GRK7: variants seen among roughly 807,000 people sequenced by gnomAD.
GRK7 encodes G protein-coupled receptor kinase 7.
GRK7 carries 24 observed loss-of-function variants against 34.1 expected under a neutral mutation model. The ratio of observed to expected loss-of-function variants is 0.70; its 90% CI spans 0.51 to 0.99. The LOEUF (loss-of-function observed/expected upper bound fraction) is 0.99. Ranked by LOEUF, GRK7 falls within the 50% of genes least tolerant of loss-of-function variation. GRK7 has a pLI of 0.00. For missense variants in GRK7, 644 were observed against 707.3 expected, an observed-to-expected ratio of 0.91 and a Z score of 1.02; for synonymous variants, 256 against 279.4, an observed-to-expected ratio of 0.92 and a Z score of 0.84.
At chr3:141,757,202 GGTTA>G in the GRK7 span, among the ~76,000 whole-genome samples, 8 of 145,992 alleles carry the variant, frequency 5.5e-5, no homozygotes, top group African/African-American at 1.0e-4. Flanking sequence ...ACATTGCGCA[GGTTA>G]GTTACATATG....
upstream of GRK7, among the ~76,000 whole-genome samples, chr3:141,760,640 A>G (rs2084551380): frequency 1.3e-5 from 2 of 151,258 alleles, no homozygotes; most frequent in Non-Finnish European, 2.9e-5. Flanking sequence ...TCTGCTTGGT[A>G]CAGAGCTGAG....
chr3:141,768,271 C>G (rs1394215222), intron 1 of GRK7, among the ~76,000 whole-genome samples: 1 of 137,918 alleles, frequency 7.3e-6, no homozygotes, highest in Non-Finnish European at 1.6e-5. Context: ...TCCTGTCAGC[C>G]TTTTTTTTTT....
Position 141,817,323 on chromosome 3 carries a change from A to G in GRK7, c.*273A>G, listed in dbSNP as rs560939088. 8.6e-6 allele frequency: 3 copies of G among 347,974 alleles called. No individual in the cohort carries two copies. The highest frequency in any genetic ancestry group is 6.2e-5 in the African/African-American group (3 of 48,148). 21.6% of individuals were successfully genotyped at this position (347,974 alleles called of 1,614,324 possible). On this transcript the variant is annotated 3_prime_UTR_variant, in exon 6 of 6. Transcript: ENST00000682958. Reference sequence around the variant, plus strand: ...AAACTGAAAGCATCAGCCTTTTACCATCATGTCCCTGTGTATTACGCAAAG... The same window carrying G: ...AAACTGAAAGCATCAGCCTTTTACCGTCATGTCCCTGTGTATTACGCAAAG...
At chr3:141,790,930 A>G (rs571139214) in intron 4 of GRK7, among the ~76,000 whole-genome samples, 1 of 152,360 alleles carries the variant, frequency 6.6e-6, no homozygotes, top group Non-Finnish European at 1.5e-5. Context: ...ACATGCACAC[A>G]GTGAAACTAG....
At chr3:141,816,013 T>G (rs1711148668) in intron 5 of GRK7, among the ~76,000 whole-genome samples, 1 of 152,122 alleles carries the variant, frequency 6.6e-6, no homozygotes, top group Admixed American at 6.5e-5. Context: ...GGCACTAAAT[T>G]TTGGGGCAAT....
intron 2 of GRK7, among the ~76,000 whole-genome samples, chr3:141,777,781 A>G (rs1408296736): frequency 1.3e-5 from 2 of 152,104 alleles, no homozygotes; most frequent in African/African-American, 4.8e-5. Flanking sequence ...TCAGGCTGCT[A>G]GAACCTGGGA....
In GRK7 at chr3:141,778,867, A is replaced by G. The variant is rs1239482641; in HGVS notation, c.583A>G (p.Arg195Gly). The G allele has an allele frequency of 2.5e-6, 4 of 1,612,082 alleles. No individual in the cohort carries two copies. The East Asian group carries it at 8.9e-5, about 36-fold the overall frequency. The stretch of plus-strand genomic sequence containing the variant: ...GTCAGACAAGTACTTCACTGAGTTC[A>G]GAGTGCTGGGGAAAGGTGGTTTTGG... ...PVSDKYFTEF[R>G]VLGKGGFGEV... is the part of the protein sequence containing the mutation. Residue 195 changes from arginine (R) to glycine (G), a missense_variant, in exon 3 of 6, where the codon AGA (arginine) becomes GGA (glycine). Transcript: ENST00000682958. This position sits in a 1 kb window ranked among gnomAD's most constrained non-coding sequence, Gnocchi z 4.1.
upstream of GRK7, among the ~76,000 whole-genome samples, chr3:141,759,100 A>G (rs1219942609): frequency 2.1e-5 from 3 of 143,104 alleles, no homozygotes; most frequent in East Asian, 6.2e-4. Context: ...GTCGTCTGCA[A>G]ACAGGGACAA....
chr3:141,803,283 AAAG>A (rs912256606), intron 4 of GRK7, among the ~76,000 whole-genome samples: 1 of 150,788 alleles, frequency 6.6e-6, no homozygotes, highest in Non-Finnish European at 1.5e-5. Context: ...AAAAAAAAAA[AAAG>A]CCAGGCGTGG....
At chr3:141,775,674 AC>A (rs2084635725) in intron 2 of GRK7, among the ~76,000 whole-genome samples, 1 of 152,164 alleles carries the variant, frequency 6.6e-6, no homozygotes, top group African/African-American at 2.4e-5. Flanking sequence ...GGACACATAC[AC>A]AAAAAAGAAT....
chr3:141,818,883 TAAG>T lies in GRK7; in HGVS notation c.*1840_*1842del, dbSNP rs1233326971. ...AGCATTAACCACACCTGGAACAAGTTAAGAAGAAGCCCTCTGAGAGTTGAGGCC... is the reference window on the plus strand; with the variant it reads ...AGCATTAACCACACCTGGAACAAGTTAAGAAGCCCTCTGAGAGTTGAGGCC... On this transcript the variant is annotated 3_prime_UTR_variant, in exon 6 of 6. Coordinates refer to ENST00000682958, the MANE Select transcript of GRK7 (RefSeq NM_139209.3). Among the ~76,000 whole-genome samples the T allele has an allele frequency of 2.0e-5, 3 of 152,166 alleles. No homozygotes were observed. The highest frequency in any genetic ancestry group is 2.0e-4 in the Admixed American group (3 of 15,280).
chr3:141,782,743 T>G lies in GRK7; in HGVS notation c.1050+1932T>G, dbSNP rs771849059. The stretch of plus-strand genomic sequence containing the variant: ...TGACGTCAACCCAGGAGGCGGAGCT[T>G]GCAGTGAGCTGAGATCACACCACTG... On this transcript the variant is annotated intron_variant, in intron 4 of 5. Coordinates refer to ENST00000682958, the MANE Select transcript of GRK7 (RefSeq NM_139209.3). Among the ~76,000 whole-genome samples the G allele has an allele frequency of 4.9e-4, 74 of 151,326 alleles. 1 individual carries two copies. The highest frequency in any genetic ancestry group is 6.3e-4 in the Non-Finnish European group (43 of 67,886).
In GRK7 at chr3:141,773,333, C is replaced by T. The variant is rs570419529; in HGVS notation, c.-214-1247C>T. On this transcript the variant is annotated intron_variant, in intron 1 of 5. Transcript: ENST00000682958. ...AGCTGCATGGGGCATCACAGTTTTC[C>T]GAGGTCATGTGCAAATGCTGAATTG... is the stretch of plus-strand genomic sequence containing the variant. Among the ~76,000 whole-genome samples the T allele has an allele frequency of 5.9e-5, 9 of 151,556 alleles. No individual in the cohort carries two copies. In the East Asian group the frequency reaches 1.6e-3, roughly 26 times the overall value.
intron 5 of GRK7, among the ~76,000 whole-genome samples, chr3:141,810,590 C>A (rs1323416518): frequency 6.6e-6 from 1 of 152,204 alleles, no homozygotes; most frequent in African/African-American, 2.4e-5. Context: ...TCTTGGCTCA[C>A]TGCAATCTCT....
At chr3:141,766,788 G>GTCTTCTAATAAAATCTCGT (rs1396109045) in intron 1 of GRK7, among the ~76,000 whole-genome samples, 3 of 152,110 alleles carry the variant, frequency 2.0e-5, no homozygotes, top group Admixed American at 1.3e-4. Context: ...AATAATCTAT[G>GTCTTCTAATAAAATCTCGT]TCTTCTAATA....
At chr3:141,806,132 C>G (rs919139448) in intron 4 of GRK7, among the ~76,000 whole-genome samples, 1 of 152,190 alleles carries the variant, frequency 6.6e-6, no homozygotes, top group Non-Finnish European at 1.5e-5. Flanking sequence ...TTATGAACAT[C>G]TCAATATAGA....
intron 2 of GRK7, among the ~76,000 whole-genome samples, chr3:141,777,395 G>A (rs1198183302): frequency 7.8e-6 from 1 of 128,524 alleles, no homozygotes; most frequent in Non-Finnish European, 1.6e-5. Context: ...CGCAATCTCG[G>A]CTCACTGCAA....
intron 4 of GRK7, among the ~76,000 whole-genome samples, chr3:141,787,127 T>C (rs1198202534): frequency 1.3e-5 from 2 of 152,122 alleles, no homozygotes; most frequent in African/African-American, 4.8e-5. Flanking sequence ...GACCAACATC[T>C]CCATTTTATT....
At chr3:141,812,662 G>A (rs1462197739) in intron 5 of GRK7, among the ~76,000 whole-genome samples, 1 of 152,190 alleles carries the variant, frequency 6.6e-6, no homozygotes, top group African/African-American at 2.4e-5. Context: ...TTTATAATTA[G>A]TTGCAAAAGG....
Sources: allele counts gnomAD v4.1 joint callset (sites outside exome capture counted in the v4.1 genomes callset), GRCh38; gene constraint gnomAD v4.1.1; non-coding constraint Gnocchi (gnomAD v3.1); transcripts MANE v1.5; gene names NCBI Gene and HGNC (gene_info 2026-07-23, HGNC 2026-07-21).